REST: variants seen among roughly 807,000 people sequenced by gnomAD.
REST encodes the protein RE1 silencing transcription factor.
REST carries 1 observed loss-of-function variant against 30.4 expected under a neutral mutation model. That is an observed-to-expected ratio of 0.03 (90% confidence interval 0.01 to 0.16). The LOEUF (loss-of-function observed/expected upper bound fraction) is 0.16, where lower values mean the gene tolerates loss of function less well. Among genes scored for constraint, REST ranks in the 10% least tolerant of loss-of-function variants. The pLI, the probability that REST is intolerant of heterozygous loss-of-function variation, is 1.00. For missense variants in REST, 1,259 were observed against 1,329.5 expected, an observed-to-expected ratio of 0.95 and a Z score of 0.82; for synonymous variants, 504 against 451.1, an observed-to-expected ratio of 1.12 and a Z score of -1.49.
intron 3 of REST, among the ~76,000 whole-genome samples, chr4:56,926,315 C>T (rs542594972): frequency 1.1e-3 from 175 of 152,202 alleles, no homozygotes; most frequent in African/African-American, 3.9e-3. Context: ...CCTCTTGATT[C>T]GCCTGCCTCG....
Position 56,931,301 on chromosome 4 carries a change from C to T in REST, c.2443C>T (p.Pro815Ser), listed in dbSNP as rs114282228. ...LHMEPISKKP[P>S]LRKDKKEKSN... is the part of the protein sequence containing the mutation. The stretch of plus-strand genomic sequence containing the variant: ...CATGGAGCCAATTTCCAAAAAGCCT[C>T]CTCTCCGAAAAGATAAAAAGGAAAA... Residue 815 changes from proline (P) to serine (S), a missense_variant, in exon 4 of 4, where the codon CCT becomes TCT. Physicochemically the swap from Pro to Ser is moderately conservative, Grantham distance 74 (BLOSUM62 -1). Around this residue, in one of 5 missense-constraint regions of REST, gnomAD observed 856 missense variants for 772.8 expected, o/e 1.11. Coordinates refer to ENST00000309042, the MANE Select transcript of REST (RefSeq NM_005612.5). 0.018 allele frequency: 29,437 copies of T among 1,614,236 alleles called. 308 individuals are homozygous for T. The highest frequency in any genetic ancestry group is 0.022 in the Non-Finnish European group (25,785 of 1,180,036).
At position 56,907,977 on chromosome 4, in the gene REST, A is replaced by C. The variant is rs530575506; in HGVS notation, c.-246A>C. On this transcript the variant is annotated 5_prime_UTR_variant, in exon 1 of 4. Coordinates refer to ENST00000309042, the MANE Select transcript of REST (RefSeq NM_005612.5). ...CGCAGCAGCGGAGCGAGCGCCGCCG[A>C]GGCCCGGGGCCCCAGACCCTGGCGG... 5,478 of 340,222 alleles carry C rather than the reference A, an allele frequency of 0.016. 46 individuals are homozygous for C. Among genetic ancestry groups the C allele is most frequent in the Non-Finnish European group, 0.02 (3,814 of 190,464 alleles). The allele number at this position is 340,222 out of a possible 1,614,324, so 21.1% of individuals were successfully genotyped here. A position where few individuals can be genotyped will look rare whatever the true frequency, so the allele number is the denominator to read the frequency against.
At chr4:56,916,701 C>T (rs906260917) in intron 2 of REST, among the ~76,000 whole-genome samples, 33 of 152,152 alleles carry the variant, frequency 2.2e-4, no homozygotes, top group Admixed American at 9.8e-4. Flanking sequence ...TCAAGTTTAT[C>T]TGCAGTGGTA....
chr4:56,923,330 C>T (rs972172885), intron 3 of REST, among the ~76,000 whole-genome samples: 4 of 152,178 alleles, frequency 2.6e-5, no homozygotes, highest in Non-Finnish European at 4.4e-5. Flanking sequence ...TGCAGTGATG[C>T]GATCATGCCT....
chr4:56,907,975 C>A lies in REST; in HGVS notation c.-248C>A. 5.5e-6 allele frequency: 2 copies of A among 361,704 alleles called. No individual in the cohort carries two copies. Among genetic ancestry groups the A allele is most frequent in the Middle Eastern group, 7.1e-4 (1 of 1,402 alleles). 22.4% of individuals were successfully genotyped at this position (361,704 alleles called of 1,614,324 possible). On this transcript the variant is annotated 5_prime_UTR_variant, in exon 1 of 4. Coordinates refer to ENST00000309042, the MANE Select transcript of REST (RefSeq NM_005612.5). ...GGCGCAGCAGCGGAGCGAGCGCCGC[C>A]GAGGCCCGGGGCCCCAGACCCTGGC...
rs982515464 is a variant in REST, at chr4:56,920,432, C to T, written c.982+562C>T. 5.9e-5 allele frequency among the ~76,000 whole-genome samples: 9 copies of T among 151,314 alleles called. No individual in the cohort carries two copies. In the East Asian group the frequency reaches 1.5e-3, roughly 26 times the overall value. Reference sequence around the variant, plus strand: ...GACTGTAACATGAGAGATTCGTCCACTCCAGTGACTGAAACAATCACCATC... The same window carrying T: ...GACTGTAACATGAGAGATTCGTCCATTCCAGTGACTGAAACAATCACCATC... On this transcript the variant is annotated intron_variant, in intron 3 of 3. Coordinates refer to ENST00000309042, the MANE Select transcript of REST (RefSeq NM_005612.5).
chr4:56,911,007 T>G lies in REST; in HGVS notation c.369T>G (p.Pro123=). The G allele has an allele frequency of 6.2e-7, 1 of 1,614,186 alleles. No individual in the cohort carries two copies. Among genetic ancestry groups the G allele is most frequent in the Non-Finnish European group, 8.5e-7 (1 of 1,180,038 alleles). ...AACTCAGCGTCGTAGAACCTCAGCCTGTATTTGAGGCATCAGGTGCTCCAG... is the reference window on the plus strand; with the variant it reads ...AACTCAGCGTCGTAGAACCTCAGCCGGTATTTGAGGCATCAGGTGCTCCAG... ...SLELSVVEPQ[P]VFEASGAPDI... Residue 123 remains proline (P), a synonymous_variant, in exon 2 of 4, where the codon CCT becomes CCG. Coordinates refer to ENST00000309042, the MANE Select transcript of REST (RefSeq NM_005612.5).
chr4:56,910,462 A>C (rs554817082), intron 1 of REST, among the ~76,000 whole-genome samples, 168 bp from the exon 2 acceptor site: 1 of 152,348 alleles, frequency 6.6e-6, no homozygotes, highest in Admixed American at 6.5e-5. Context: ...ACTATTGGGA[A>C]TTAACAACTA....
intron 1 of REST, among the ~76,000 whole-genome samples, 185 bp from the exon 2 acceptor site, chr4:56,910,445 G>A (rs1228837990): frequency 1.3e-5 from 2 of 152,108 alleles, no homozygotes; most frequent in African/African-American, 4.8e-5. Context: ...TTTGGTGATT[G>A]CAGTAGACTA....
Position 56,933,716 on chromosome 4 carries a change from A to G in REST, c.*1564A>G, listed in dbSNP as rs1721053016. On this transcript the variant is annotated 3_prime_UTR_variant, in exon 4 of 4. Coordinates refer to ENST00000309042, the MANE Select transcript of REST (RefSeq NM_005612.5). ...TTGTAGGTTCTTTGGCCAGTTGCCA[A>G]AGAGTGTGAAAGAATCCAATAGAGG... 6.6e-6 allele frequency: 1 copy of G among 152,214 alleles called. No homozygotes were observed. The highest frequency in any genetic ancestry group is 6.5e-5 in the Admixed American group (1 of 15,278). The allele number at this position is 152,214 out of a possible 1,614,324, so 9.4% of individuals were successfully genotyped here.
rs1049707640 is a variant in REST at position 56,932,314 on chromosome 4, T to C, written c.*162T>C. 2 of 710,054 alleles carry C rather than the reference T, an allele frequency of 2.8e-6. No individual in the cohort carries two copies. The highest frequency in any genetic ancestry group is 4.5e-6 in the Non-Finnish European group (2 of 446,132). The allele number at this position is 710,054 out of a possible 1,614,324, so 44.0% of individuals were successfully genotyped here. On this transcript the variant is annotated 3_prime_UTR_variant, in exon 4 of 4. Coordinates refer to ENST00000309042, the MANE Select transcript of REST (RefSeq NM_005612.5). ...AGGACTTTTTATGTATACCTGTTGATTGTTGTGTAAATTTTAGTAAATCTA... is the reference window on the plus strand; with the variant it reads ...AGGACTTTTTATGTATACCTGTTGACTGTTGTGTAAATTTTAGTAAATCTA...
chr4:56,919,711 T>A, intron 2 of REST, 76 bp from the exon 3 acceptor site: 1 of 849,052 alleles, frequency 1.2e-6, no homozygotes, highest in African/African-American at 1.7e-5. Context: ...CGCTGAACAT[T>A]GTTGCATTGT....
At chr4:56,925,195 A>G (rs1486374304) in intron 3 of REST, among the ~76,000 whole-genome samples, 5 of 151,042 alleles carry the variant, frequency 3.3e-5, no homozygotes, top group Non-Finnish European at 7.4e-5. Flanking sequence ...TTTCTTTGCC[A>G]TTCTCTCTTG....
intron 2 of REST, among the ~76,000 whole-genome samples, chr4:56,916,333 G>C (rs571882979): frequency 2.6e-5 from 4 of 152,190 alleles, no homozygotes; most frequent in Admixed American, 6.6e-5. Context: ...TGCCTAGTTT[G>C]TGGAATTACA....
chr4:56,920,124 C>T (rs1046764988), intron 3 of REST: 5 of 284,292 alleles, frequency 1.8e-5, no homozygotes, highest in African/African-American at 1.1e-4. Flanking sequence ...ATCTTTGAAG[C>T]GTTCCGTGAC....
chr4:56,920,994 T>G (rs1479345843), intron 3 of REST, among the ~76,000 whole-genome samples: 1 of 151,984 alleles, frequency 6.6e-6, no homozygotes, highest in Non-Finnish European at 1.5e-5. Context: ...GCCTCCTGAA[T>G]AGCTGGGATT....
intron 3 of REST, among the ~76,000 whole-genome samples, chr4:56,920,709 G>A (rs1448182318): frequency 3.3e-5 from 5 of 151,928 alleles, no homozygotes; most frequent in Admixed American, 6.6e-5. Flanking sequence ...GTTGTAAGCC[G>A]AGATCACGCC....
intron 1 of REST, chr4:56,909,022 C>T (rs1001071790): frequency 6.6e-6 from 1 of 152,330 alleles, no homozygotes; most frequent in East Asian, 1.9e-4. Context: ...TCGGAGAAGC[C>T]CGGACGCCGG....
rs1029140562 is a variant in REST at position 56,930,098 on chromosome 4, A to G, written c.1240A>G (p.Thr414Ala). ...GTATCACTTCAAATCTAAGCATCCT[A>G]CTTGTCCTAATAAAACAATGGATGT... ...LQYHFKSKHP[T>A]CPNKTMDVSK... The change falls in exon 4 of 4, where the codon ACT (threonine) becomes GCT (alanine). Residue 414 changes from threonine (T) to alanine (A), a missense_variant. Thr to Ala is a moderately conservative substitution (Grantham distance 58, BLOSUM62 0). Transcript: ENST00000309042. The G allele has an allele frequency of 1.9e-6, 3 of 1,613,966 alleles. No individual in the cohort carries two copies. Among genetic ancestry groups the G allele is most frequent in the African/African-American group, 2.7e-5 (2 of 75,030 alleles).
Sources: allele counts gnomAD v4.1 joint callset (sites outside exome capture counted in the v4.1 genomes callset), GRCh38; gene constraint gnomAD v4.1.1; regional missense constraint gnomAD v4.1.1; transcripts MANE v1.5; gene names NCBI Gene and HGNC (gene_info 2026-07-23, HGNC 2026-07-21).